The following SART3 variants were observed in gnomAD, a reference collection of about 807,000 sequenced individuals.
SART3 encodes the protein HIV-1 Tat-interacting protein of 110kDa.
In SART3, 44 loss-of-function variants were observed where a neutral mutation model predicts 122.3. The ratio of observed to expected loss-of-function variants is 0.36; its 90% CI spans 0.28 to 0.46. SART3 has a LOEUF of 0.46. SART3 is among the 20% of genes least tolerant of loss of function. The probability of loss-of-function intolerance (pLI) is 1.00; values close to 1 mark genes in which losing one functional copy is unlikely to be tolerated. For synonymous variants in SART3, 442 were observed against 454.0 expected (o/e 0.97, Z 0.34); for missense variants, 1,101 against 1,229.0 (o/e 0.90, Z 1.56).
chr12:108,555,541 T>C (rs1183006566), intron 1 of SART3, among the ~76,000 whole-genome samples: 1 of 152,140 alleles, frequency 6.6e-6, no homozygotes, highest in Non-Finnish European at 1.5e-5. Context: ...GGCACATGCC[T>C]GTGGTCCCAG....
chr12:108,523,621 T>C lies in SART3; in HGVS notation c.2728A>G (p.Arg910Gly), dbSNP rs1872233276. 2 of 1,614,066 alleles carry C rather than the reference T, an allele frequency of 1.2e-6. No homozygotes were observed. The highest frequency in any genetic ancestry group is 1.7e-5 in the Admixed American group (1 of 60,020). Reference protein sequence around the residue: ...PQTYGARGKGRTQLSLLPRAL... With the variant: ...PQTYGARGKGGTQLSLLPRAL... ...CGAGGCAGTAGAGACAGCTGCGTCC[T>C]TCCCTTCCCCCTCCTAAAAGAGCAA... Residue 910 changes from arginine to glycine, a missense_variant, in exon 19 of 19, where the codon AGG becomes GGG. Physicochemically the swap from Arg to Gly is moderately radical, Grantham distance 125. Around this residue, in one of 2 missense-constraint regions of SART3, gnomAD observed 885 missense variants for 1,080.1 expected, o/e 0.82. Transcript: ENST00000546815.
chr12:108,549,603 T>A (rs2029912011), intron 1 of SART3, among the ~76,000 whole-genome samples: 1 of 152,156 alleles, frequency 6.6e-6, no homozygotes, highest in Non-Finnish European at 1.5e-5. Flanking sequence ...TTCCAAGGAT[T>A]TAAAAAATTT....
rs761662580 is a variant in SART3, at chr12:108,560,925, T to C, written c.230A>G (p.Glu77Gly). 6.2e-7 allele frequency: 1 copy of C among 1,613,932 alleles called. No individual in the cohort carries two copies. Among genetic ancestry groups the C allele is most frequent in the Non-Finnish European group, 8.5e-7 (1 of 1,179,916 alleles). ...GDEYAMASSA[E>G]SSPGEYEWEY... ...CCACTCGTACTCCCCGGGGGAGCTC[T>C]CCGCGGAGGAAGCCATGGCGTACTC... The change falls in exon 1 of 19, where the codon GAG becomes GGG. Residue 77 changes from glutamate to glycine, a missense_variant. Physicochemically the swap from Glu to Gly is moderately conservative, Grantham distance 98. Transcript: ENST00000546815.
At chr12:108,524,946 G>C (rs1872304842) in intron 17 of SART3, 1 of 302,192 alleles carries the variant, frequency 3.3e-6, no homozygotes, top group African/African-American at 2.2e-5. Context: ...GGATAAAGGG[G>C]AGGGAGAGTG....
At chr12:108,546,045 A>AG (rs1873402290) in intron 3 of SART3, among the ~76,000 whole-genome samples, 1 of 151,854 alleles carries the variant, frequency 6.6e-6, no homozygotes, top group Non-Finnish European at 1.5e-5. Flanking sequence ...TTCAGATTAT[A>AG]AACCAAAAAA....
chr12:108,544,136 G>A (rs561217501), intron 5 of SART3, among the ~76,000 whole-genome samples: 2 of 152,292 alleles, frequency 1.3e-5, no homozygotes, highest in Admixed American at 6.5e-5. Context: ...ATTCCTTTCA[G>A]AGACCCTATC....
At position 108,537,842 on chromosome 12, in the gene SART3, A is replaced by T. The variant is rs897609907; in HGVS notation, c.1201+223T>A. 30 of 688,182 alleles carry T rather than the reference A, an allele frequency of 4.4e-5. No homozygotes were observed. The African/African-American group carries it at 4.5e-4, about 10-fold the overall frequency. 42.6% of individuals were successfully genotyped at this position (688,182 alleles called of 1,614,324 possible). ...TTCCAGATCAAGGAAGTTTGGAGAAAACACTACAACTTCTTAGAAAATACA... is the reference window on the plus strand; with the variant it reads ...TTCCAGATCAAGGAAGTTTGGAGAATACACTACAACTTCTTAGAAAATACA... On this transcript the variant is annotated intron_variant, in intron 8 of 18. Transcript: ENST00000546815.
At chr12:108,554,494 A>G (rs547277241) in intron 1 of SART3, among the ~76,000 whole-genome samples, 1 of 152,114 alleles carries the variant, frequency 6.6e-6, no homozygotes, top group South Asian at 2.1e-4. Context: ...GATTTGAGGG[A>G]AAAAAACATG....
In SART3 at chr12:108,530,179, A is replaced by G; in HGVS notation, c.1878T>C (p.Asp626=). 6.2e-7 allele frequency: 1 copy of G among 1,614,096 alleles called. No individual in the cohort carries two copies. The highest frequency in any genetic ancestry group is 1.1e-5 in the South Asian group (1 of 91,074). Residue 626 remains aspartate (D), a synonymous_variant, in exon 15 of 19, where the codon GAT becomes GAC. Transcript: ENST00000546815. ...CGCCCCACTCTTTCTCATCATCCTC[A>G]TCTGCTCCGCGCTTCTCTGGGCCTC... is the stretch of plus-strand genomic sequence containing the variant. ...KIRGPEKRGA[D]EDDEKEWGDD...
intron 6 of SART3, among the ~76,000 whole-genome samples, chr12:108,539,946 A>T (rs1274069970): frequency 6.6e-6 from 1 of 152,228 alleles, no homozygotes; most frequent in Non-Finnish European, 1.5e-5. Flanking sequence ...ACTAAGGACT[A>T]AGGACAAAAT....
intron 1 of SART3, among the ~76,000 whole-genome samples, chr12:108,554,656 ATATTG>A (rs1279582636): frequency 6.7e-6 from 1 of 148,372 alleles, no homozygotes; most frequent in Non-Finnish European, 1.5e-5. Flanking sequence ...TATATTTATT[ATATTG>A]TTTATTATAT....
At chr12:108,544,329 G>A (rs1873306072) in intron 5 of SART3, 98 bp downstream of exon 5, 2 of 1,040,876 alleles carry the variant, frequency 1.9e-6, no homozygotes, top group Non-Finnish European at 3.0e-6. Flanking sequence ...AGCTTTACCT[G>A]CCTCACAGGA....
At chr12:108,548,471 G>C (rs1400963531) in intron 2 of SART3, among the ~76,000 whole-genome samples, 2 of 152,226 alleles carry the variant, frequency 1.3e-5, no homozygotes, top group Non-Finnish European at 2.9e-5. Context: ...GCTAGTAAAA[G>C]ATGTAGCCAG....
chr12:108,535,340 C>G lies in SART3; in HGVS notation c.1556+19G>C. 2 of 1,601,196 alleles carry G rather than the reference C, an allele frequency of 1.2e-6. No homozygotes were observed. Among genetic ancestry groups the G allele is most frequent in the Non-Finnish European group, 1.7e-6 (2 of 1,168,664 alleles). On this transcript the variant is annotated intron_variant, in intron 12 of 18. Transcript: ENST00000546815. ...CAGCTGACAAGCACTGCCTCCCTCC[C>G]CACCCCGAGATCAGTTACCTTTCCA...
At chr12:108,525,844 G>A (rs1466479828) in intron 16 of SART3, 2 of 623,720 alleles carry the variant, frequency 3.2e-6, no homozygotes, top group Non-Finnish European at 2.8e-6. Context: ...AGAGTCTCAT[G>A]AGGAGTCAAT....
intron 6 of SART3, chr12:108,542,785 G>A: frequency 1.7e-6 from 1 of 599,436 alleles, no homozygotes; most frequent in East Asian, 3.7e-5. Context: ...GGGAGAGGGA[G>A]GAGGAGGCAA....
chr12:108,525,099 CAGAG>C (rs1872311176), intron 17 of SART3, among the ~76,000 whole-genome samples: 1 of 152,184 alleles, frequency 6.6e-6, no homozygotes, highest in South Asian at 2.1e-4. Context: ...TTGGAGGCCC[CAGAG>C]AAAGAGAGGC....
At chr12:108,542,488 A>C (rs1873212587) in intron 6 of SART3, among the ~76,000 whole-genome samples, 1 of 152,134 alleles carries the variant, frequency 6.6e-6, no homozygotes, top group South Asian at 2.1e-4. Flanking sequence ...CCTAGCAAAA[A>C]CCTGGAAATG....
At chr12:108,534,426 G>A (rs1185143680) in intron 12 of SART3, among the ~76,000 whole-genome samples, 1 of 151,810 alleles carries the variant, frequency 6.6e-6, no homozygotes, top group African/African-American at 2.4e-5. Context: ...GCTCATGCCT[G>A]TAATTCCTAC....
Sources: gnomAD v4.1 joint callset for allele counts (sites outside exome capture counted in the v4.1 genomes callset) on GRCh38, gnomAD v4.1.1 for gene constraint, gnomAD v4.1.1 regional missense constraint, MANE v1.5 for transcripts, NCBI Gene and HGNC (gene_info 2026-07-23, HGNC 2026-07-21) for gene names.